The following CDA variants were observed in gnomAD, a reference collection of about 807,000 sequenced individuals.
CDA encodes the protein cytidine deaminase, also known as cytidine aminohydrolase.
CDA carries 7 observed loss-of-function variants against 15.0 expected under a neutral mutation model. The observed-to-expected ratio is 0.47, with a 90% CI of 0.26 to 0.87. The LOEUF is 0.87. CDA is among the 40% of genes least tolerant of loss of function. The probability of loss-of-function intolerance (pLI) is 0.15; values close to 1 mark genes in which losing one functional copy is unlikely to be tolerated. For missense variants in CDA, 159 were observed against 182.7 expected (o/e 0.87, Z 0.75); for synonymous variants, 58 against 73.0 (o/e 0.79, Z 1.05).
intron 2 of CDA, among the ~76,000 whole-genome samples, chr1:20,609,485 CA>C (rs954795435): frequency 1.5e-4 from 21 of 143,388 alleles, no homozygotes; most frequent in South Asian, 4.4e-4. Flanking sequence ...GACTCCGTCT[CA>C]AAAAAAAAAA....
intron 1 of CDA, among the ~76,000 whole-genome samples, chr1:20,591,520 A>G (rs2052548485): frequency 6.6e-6 from 1 of 152,218 alleles, no homozygotes; most frequent in African/African-American, 2.4e-5. Context: ...TGCTGGGGAT[A>G]TCACAGTGAA....
At chr1:20,610,605 T>C (rs1353056543) in intron 2 of CDA, among the ~76,000 whole-genome samples, 2 of 152,132 alleles carry the variant, frequency 1.3e-5, no homozygotes, top group Admixed American at 1.3e-4. Context: ...TTAATAACAA[T>C]TGTTGTTAAG....
chr1:20,615,867 G>A (rs904276048), intron 3 of CDA, among the ~76,000 whole-genome samples: 6 of 152,140 alleles, frequency 3.9e-5, no homozygotes, highest in Admixed American at 3.3e-4. Flanking sequence ...AAGGCATAGT[G>A]TGCACGCCTG....
intron 2 of CDA, among the ~76,000 whole-genome samples, chr1:20,609,533 G>C (rs1046212951): frequency 7.2e-5 from 11 of 152,136 alleles, no homozygotes; most frequent in Admixed American, 1.3e-4. Flanking sequence ...GCAGGGGTCA[G>C]ATCACACAGG....
At chr1:20,593,543 T>A (rs1412686153) in intron 1 of CDA, among the ~76,000 whole-genome samples, 1 of 152,140 alleles carries the variant, frequency 6.6e-6, no homozygotes, top group African/African-American at 2.4e-5. Context: ...TCAGGGAACA[T>A]GAGTGCAAGC....
At chr1:20,600,405 T>C (rs1389032031) in intron 1 of CDA, among the ~76,000 whole-genome samples, 1 of 151,872 alleles carries the variant, frequency 6.6e-6, no homozygotes, top group Non-Finnish European at 1.5e-5. Context: ...TGTAGGGATG[T>C]CAGTGAAGGT....
In CDA at chr1:20,589,416, G is replaced by A. The variant is rs573177358; in HGVS notation, c.154+133G>A. The A allele has an allele frequency of 4.4e-5, 39 of 879,862 alleles. 1 individual carries two copies. Among genetic ancestry groups the A allele is most frequent in the Admixed American group, 1.8e-4 (8 of 45,356 alleles). The allele number at this position is 879,862 out of a possible 1,614,324, so 54.5% of individuals were successfully genotyped here. ...TCTGTCCCTTCTTCCCCCAGTCTCC[G>A]CTGGAATGTTCCTACCCTGCCGACT... On this transcript the variant is annotated intron_variant, in intron 1 of 3. Coordinates refer to ENST00000375071, the MANE Select transcript of CDA (RefSeq NM_001785.3).
chr1:20,599,831 C>G (rs977364481), intron 1 of CDA, among the ~76,000 whole-genome samples: 1 of 152,084 alleles, frequency 6.6e-6, no homozygotes, highest in Non-Finnish European at 1.5e-5. Context: ...TCCTCTGTGC[C>G]AGGCTTTGTG....
rs372531463 is a variant in CDA, at chr1:20,589,101, C to A, written c.-29C>A. The stretch of plus-strand genomic sequence containing the variant: ...GGCTGGCCGGAGCTCCTGTTTCCCG[C>A]TGCTCTGCTGCCTGCCCGGGGTACC... On this transcript the variant is annotated 5_prime_UTR_variant, in exon 1 of 4. The change creates a new upstream start codon in the 5' untranslated region. Coordinates refer to ENST00000375071, the MANE Select transcript of CDA (RefSeq NM_001785.3). 3.7e-6 allele frequency: 6 copies of A among 1,613,490 alleles called. No homozygotes were observed. In the African/African-American group the frequency reaches 6.7e-5, roughly 18 times the overall value.
chr1:20,609,755 G>A (rs477155), intron 2 of CDA, among the ~76,000 whole-genome samples: 119,594 of 152,138 alleles, frequency 0.79, 47,415 homozygotes, highest in Middle Eastern at 0.87. Context: ...ATGAAGTGAA[G>A]AATAACCCCC....
At chr1:20,608,393 A>G (rs575276209) in intron 2 of CDA, among the ~76,000 whole-genome samples, 1 of 104,874 alleles carries the variant, frequency 9.5e-6, no homozygotes, top group Admixed American at 1.0e-4. Context: ...ACTATTATAT[A>G]GTTTTGTTTT....
At chr1:20,591,280 G>T (rs191168025) in intron 1 of CDA, among the ~76,000 whole-genome samples, 72 of 152,228 alleles carry the variant, frequency 4.7e-4, no homozygotes, top group Middle Eastern at 6.8e-3. Flanking sequence ...GGCGGAGCTT[G>T]CAGAGAGCCG....
chr1:20,606,197 G>A (rs74058427), intron 2 of CDA, among the ~76,000 whole-genome samples: 988 of 66,080 alleles, frequency 0.015, 182 homozygotes, highest in African/African-American at 0.043. Context: ...AATAAATGAC[G>A]GTTGGCGGGC....
rs570399405 is a variant in CDA, at chr1:20,596,901, C to A, written c.154+7618C>A. On this transcript the variant is annotated intron_variant, in intron 1 of 3. Coordinates refer to ENST00000375071, the MANE Select transcript of CDA (RefSeq NM_001785.3). ...TTAGCCTCCCAAGTAGCTGAGATCA[C>A]AGGCATGCACCACCATGCCTAGCTA... Among the ~76,000 whole-genome samples, 3 of 151,954 alleles carry A rather than the reference C, an allele frequency of 2.0e-5. No individual in the cohort carries two copies. In the East Asian group the frequency reaches 5.8e-4, roughly 29 times the overall value.
chr1:20,605,340 A>G (rs1276192039), intron 2 of CDA, among the ~76,000 whole-genome samples: 2 of 152,078 alleles, frequency 1.3e-5, no homozygotes, highest in Non-Finnish European at 2.9e-5. Context: ...AAGATATAAC[A>G]GAAAGGCAGC....
chr1:20,617,649 G>T (rs1225590240), intron 3 of CDA, among the ~76,000 whole-genome samples: 3 of 151,914 alleles, frequency 2.0e-5, no homozygotes, highest in African/African-American at 7.3e-5. Flanking sequence ...GGCTTCCCCA[G>T]CCATGTGGAA....
intron 3 of CDA, among the ~76,000 whole-genome samples, chr1:20,615,665 C>T (rs949536968): frequency 9.2e-5 from 14 of 151,804 alleles, no homozygotes; most frequent in Non-Finnish European, 1.9e-4. Flanking sequence ...ATTAGAGAAT[C>T]CCACAGGCCC....
chr1:20,602,763 A>T (rs905526883), intron 1 of CDA, among the ~76,000 whole-genome samples: 1 of 152,156 alleles, frequency 6.6e-6, no homozygotes, highest in African/African-American at 2.4e-5. Flanking sequence ...TTCTTTGGCG[A>T]TCCAATTCTA....
chr1:20,613,766 C>G, intron 2 of CDA, 76 bp from the exon 3 acceptor site: 1 of 1,368,226 alleles, frequency 7.3e-7, no homozygotes, highest in Non-Finnish European at 1.0e-6. Flanking sequence ...CAGACCGAGT[C>G]TCAGGGCCTG....
Sources: gnomAD v4.1 joint callset for allele counts (sites outside exome capture counted in the v4.1 genomes callset) on GRCh38, gnomAD v4.1.1 for gene constraint, MANE v1.5 for transcripts, NCBI Gene and HGNC (gene_info 2026-07-23, HGNC 2026-07-21) for gene names.